Variants in RASA1 observed in about 807,000 individuals in gnomAD.
RASA1 encodes ras GTPase-activating protein 1.
In RASA1, 25 loss-of-function variants were observed where a neutral mutation model predicts 132.2. That is an observed-to-expected ratio of 0.19 (90% CI 0.14 to 0.26). The LOEUF is 0.26. Among genes scored for constraint, RASA1 ranks in the 10% least tolerant of loss-of-function variants. The probability of loss-of-function intolerance (pLI) is 1.00; values close to 1 mark genes in which losing one functional copy is unlikely to be tolerated. For synonymous variants in RASA1, 477 were observed against 449.9 expected (o/e 1.06, Z -0.76); for missense variants, 964 against 1,299.2 (o/e 0.74, Z 3.97).
intron 1 of RASA1, among the ~76,000 whole-genome samples, chr5:87,300,930 G>A (rs1755332565): frequency 6.6e-6 from 1 of 152,162 alleles, no homozygotes; most frequent in African/African-American, 2.4e-5. Flanking sequence ...CATTAGTCAC[G>A]GAAAGGCAGA....
At chr5:87,305,704 C>G (rs777670128) in intron 1 of RASA1, among the ~76,000 whole-genome samples, 6 of 152,192 alleles carry the variant, frequency 3.9e-5, no homozygotes, top group Non-Finnish European at 7.4e-5. Flanking sequence ...AGACAACCCA[C>G]AGAATGGGAG....
chr5:87,322,106 A>G (rs568920929), intron 1 of RASA1, among the ~76,000 whole-genome samples: 1 of 152,162 alleles, frequency 6.6e-6, no homozygotes, highest in African/African-American at 2.4e-5. Context: ...TCCCTCATGA[A>G]TGGTTTGCTG....
At chr5:87,374,354 T>G in intron 14 of RASA1, 34 bp downstream of exon 14, 1 of 1,571,882 alleles carries the variant, frequency 6.4e-7, no homozygotes, top group Non-Finnish European at 8.7e-7. Context: ...TTAATCATTT[T>G]CTTTTACCAT....
At chr5:87,338,142 T>C in intron 5 of RASA1, 51 bp downstream of exon 5, 1 of 1,606,738 alleles carries the variant, frequency 6.2e-7, no homozygotes, top group South Asian at 1.1e-5. Flanking sequence ...ATTTTATAAA[T>C]TTGGATCTTG....
chr5:87,349,553 A>G (rs1044477355), intron 8 of RASA1, among the ~76,000 whole-genome samples, 189 bp downstream of exon 8: 1 of 151,948 alleles, frequency 6.6e-6, no homozygotes, highest in African/African-American at 2.4e-5. Flanking sequence ...ACAAATTAGT[A>G]ACTTATACTT....
chr5:87,271,747 A>T (rs1300890073), intron 1 of RASA1, among the ~76,000 whole-genome samples: 2 of 151,204 alleles, frequency 1.3e-5, no homozygotes, highest in Non-Finnish European at 2.9e-5. Context: ...AAGTGCTGGG[A>T]TTACAGGTGT....
rs544421015 is a variant in RASA1, at chr5:87,356,386, T to A, written c.1332+3151T>A. On this transcript the variant is annotated intron_variant, in intron 9 of 24. Coordinates refer to ENST00000274376, the MANE Select transcript of RASA1 (RefSeq NM_002890.3). Reference sequence around the variant, plus strand: ...ACTGACGTCCTAGATGATTGTTATTTTTTTTTTTTTTTCTCCCTCCGGAGT... The same window carrying A: ...ACTGACGTCCTAGATGATTGTTATTATTTTTTTTTTTTCTCCCTCCGGAGT... Among the ~76,000 whole-genome samples the A allele has an allele frequency of 1.1e-4, 17 of 151,784 alleles. No individual in the cohort carries two copies. The South Asian group carries it at 1.5e-3, about 13-fold the overall frequency.
At chr5:87,282,530 G>A (rs968520662) in intron 1 of RASA1, among the ~76,000 whole-genome samples, 1 of 152,144 alleles carries the variant, frequency 6.6e-6, no homozygotes, top group African/African-American at 2.4e-5. Flanking sequence ...TGATATGTCA[G>A]GGTTTCTGTG....
rs765405975 is a variant in RASA1 at position 87,268,893 on chromosome 5, G to T, written c.442G>T (p.Ala148Ser). The change falls in exon 1 of 25, where the codon GCG becomes TCG. Residue 148 changes from alanine to serine, a missense_variant. Ala to Ser is a moderately conservative substitution (Grantham distance 99). Transcript: ENST00000274376. The part of the protein sequence containing the change: ...PPPPYLPPLG[A>S]GLGTVDEGDS... The stretch of plus-strand genomic sequence containing the variant: ...TCCCCCTTACCTGCCCCCTTTGGGG[G>T]CGGGCCTCGGGACAGTGGACGAAGG... 2.0e-5 allele frequency: 33 copies of T among 1,614,050 alleles called. No individual in the cohort carries two copies. The highest frequency in any genetic ancestry group is 1.6e-4 in the Middle Eastern group (1 of 6,084).
intron 8 of RASA1, among the ~76,000 whole-genome samples, chr5:87,350,101 T>G (rs1469809885): frequency 6.6e-6 from 1 of 151,904 alleles, no homozygotes; most frequent in Non-Finnish European, 1.5e-5. Flanking sequence ...CTATCTGAAT[T>G]AGAATTTGTC....
chr5:87,330,152 G>C (rs1015731600), intron 1 of RASA1, among the ~76,000 whole-genome samples: 3 of 152,010 alleles, frequency 2.0e-5, no homozygotes, highest in Admixed American at 2.0e-4. Flanking sequence ...TAAATAAATA[G>C]CTTGGTTTTA....
At chr5:87,270,664 T>C (rs1753790630) in intron 1 of RASA1, among the ~76,000 whole-genome samples, 1 of 76,242 alleles carries the variant, frequency 1.3e-5, no homozygotes, top group Non-Finnish European at 3.3e-5. Context: ...TTTTTTTTTT[T>C]TTTTTTTTTT....
chr5:87,269,086 G>A (rs747983442), intron 1 of RASA1, 96 bp downstream of exon 1: 1 of 1,613,872 alleles, frequency 6.2e-7, no homozygotes, highest in Non-Finnish European at 8.5e-7. Flanking sequence ...TTCATCTGTG[G>A]TTTGTTAGGA....
intron 20 of RASA1, among the ~76,000 whole-genome samples, 180 bp from the exon 21 acceptor site, chr5:87,383,533 C>T (rs879662466): frequency 6.6e-6 from 1 of 151,970 alleles, no homozygotes; most frequent in Non-Finnish European, 1.5e-5. Flanking sequence ...TCTTAAAATA[C>T]GATGCTTTGG....
chr5:87,318,717 T>G (rs888777287), intron 1 of RASA1: 1 of 152,156 alleles, frequency 6.6e-6, no homozygotes, highest in Non-Finnish European at 1.5e-5. Context: ...GAGATTTGGA[T>G]GGGGGTACAG....
chr5:87,331,079 G>A, intron 1 of RASA1: 2 of 1,002,716 alleles, frequency 2.0e-6, no homozygotes, highest in Non-Finnish European at 2.8e-6. Flanking sequence ...AGGCAATCCT[G>A]GAAGTAGGGA....
chr5:87,280,924 TTC>T (rs1004424467), intron 1 of RASA1, among the ~76,000 whole-genome samples: 2 of 150,690 alleles, frequency 1.3e-5, no homozygotes, highest in African/African-American at 4.8e-5. Flanking sequence ...CCTGGCTAAT[TTC>T]TTTTTTTTTT....
At chr5:87,348,725 C>T (rs981666981) in intron 7 of RASA1, among the ~76,000 whole-genome samples, 3 of 151,412 alleles carry the variant, frequency 2.0e-5, no homozygotes, top group African/African-American at 7.3e-5. Context: ...TCCTGGATAG[C>T]TGGGATTATA....
At chr5:87,339,607 A>G (rs1006967724) in intron 5 of RASA1, among the ~76,000 whole-genome samples, 1 of 152,112 alleles carries the variant, frequency 6.6e-6, no homozygotes, top group Non-Finnish European at 1.5e-5. Flanking sequence ...AGAAAAGTGA[A>G]AATTACTCAA....
Sources: allele counts gnomAD v4.1 joint callset (sites outside exome capture counted in the v4.1 genomes callset), GRCh38; gene constraint gnomAD v4.1.1; transcripts MANE v1.5; gene names NCBI Gene and HGNC (gene_info 2026-07-23, HGNC 2026-07-21).